The following USP3 variants were observed in gnomAD, a reference collection of about 807,000 sequenced individuals.
USP3 encodes ubiquitin carboxyl-terminal hydrolase 3.
In USP3, 20 loss-of-function variants were observed where a neutral mutation model predicts 72.3. That is an observed-to-expected ratio of 0.28 (90% CI 0.19 to 0.40). The LOEUF (loss-of-function observed/expected upper bound fraction) is 0.40, where lower values mean the gene tolerates loss of function less well. Ranked by LOEUF, USP3 falls within the 10% of genes least tolerant of loss-of-function variation. The pLI, the probability that USP3 is intolerant of heterozygous loss-of-function variation, is 1.00. For missense variants in USP3, 479 were observed against 633.9 expected, an observed-to-expected ratio of 0.76 and a Z score of 2.62; for synonymous variants, 222 against 225.3, an observed-to-expected ratio of 0.99 and a Z score of 0.13.
intron 11 of USP3, among the ~76,000 whole-genome samples, chr15:63,584,039 T>C (rs1259323005): frequency 6.6e-6 from 1 of 152,138 alleles, no homozygotes; most frequent in Non-Finnish European, 1.5e-5. Flanking sequence ...TGCCAAACTT[T>C]TCCACAGTGG....
At chr15:63,527,029 G>A (rs925819384) in intron 1 of USP3, among the ~76,000 whole-genome samples, 1 of 152,152 alleles carries the variant, frequency 6.6e-6, no homozygotes, top group Admixed American at 6.5e-5. Context: ...GGAGCAGCAG[G>A]GACCACAGGT....
At chr15:63,535,932 A>G (rs1395773947) in intron 2 of USP3, among the ~76,000 whole-genome samples, 1 of 152,242 alleles carries the variant, frequency 6.6e-6, no homozygotes, top group Non-Finnish European at 1.5e-5. Context: ...TGCCTTCCAC[A>G]CATTGGCTGC....
At chr15:63,575,713 G>C (rs1334938589) in intron 11 of USP3, among the ~76,000 whole-genome samples, 2 of 152,004 alleles carry the variant, frequency 1.3e-5, no homozygotes, top group Non-Finnish European at 2.9e-5. Context: ...ACTGTTTTTG[G>C]CCTGTTTGAG....
At chr15:63,552,227 T>C (rs1567111167) in intron 3 of USP3, among the ~76,000 whole-genome samples, 1 of 152,212 alleles carries the variant, frequency 6.6e-6, no homozygotes, top group Non-Finnish European at 1.5e-5. Context: ...AATAAAAATG[T>C]AAGCAGAAAT....
At chr15:63,583,459 T>C (rs972997890) in intron 11 of USP3, among the ~76,000 whole-genome samples, 2 of 152,166 alleles carry the variant, frequency 1.3e-5, no homozygotes, top group African/African-American at 4.8e-5. Context: ...CCTTGTCTCT[T>C]AAAACAATTT....
intron 11 of USP3, among the ~76,000 whole-genome samples, chr15:63,587,511 C>T (rs1008524753): frequency 2.0e-5 from 3 of 152,086 alleles, no homozygotes; most frequent in East Asian, 1.9e-4. Flanking sequence ...TTTCCTTTAA[C>T]GTTTAGTTAT....
intron 3 of USP3, among the ~76,000 whole-genome samples, chr15:63,547,498 G>A (rs1392341275): frequency 6.6e-6 from 1 of 152,084 alleles, no homozygotes; most frequent in African/African-American, 2.4e-5. Flanking sequence ...GGAAGGCTGA[G>A]GTGGGAGGAT....
intron 7 of USP3, among the ~76,000 whole-genome samples, chr15:63,562,118 C>T (rs912793432): frequency 6.6e-5 from 10 of 152,174 alleles, no homozygotes; most frequent in African/African-American, 2.4e-4. Flanking sequence ...TCCCCAACTC[C>T]GTCCTCATTC....
At chr15:63,557,948 G>C (rs2066540550) in intron 5 of USP3, among the ~76,000 whole-genome samples, 158 bp from the exon 6 acceptor site, 1 of 152,180 alleles carries the variant, frequency 6.6e-6, no homozygotes, top group South Asian at 2.1e-4. Flanking sequence ...CATTTATACA[G>C]AGACTAGAGA....
intron 1 of USP3, among the ~76,000 whole-genome samples, chr15:63,513,049 T>G (rs773599346): frequency 3.9e-5 from 6 of 152,248 alleles, no homozygotes; most frequent in Non-Finnish European, 8.8e-5. Context: ...TTGGAGACTT[T>G]GTACTCTGCT....
At chr15:63,542,100 A>G in intron 3 of USP3, 2 of 985,180 alleles carry the variant, frequency 2.0e-6, no homozygotes, top group Non-Finnish European at 1.2e-6. Context: ...TTAGTTCTTC[A>G]AGGACATGAT....
At chr15:63,524,696 G>T (rs1319563863) in intron 1 of USP3, among the ~76,000 whole-genome samples, 1 of 152,150 alleles carries the variant, frequency 6.6e-6, no homozygotes, top group Non-Finnish European at 1.5e-5. Flanking sequence ...CAGTCTCCCT[G>T]CACATGGTTT....
chr15:63,506,218 T>G (rs1484463130), intron 1 of USP3, among the ~76,000 whole-genome samples: 2 of 152,236 alleles, frequency 1.3e-5, no homozygotes, highest in Non-Finnish European at 2.9e-5. Flanking sequence ...AGCTTTTACC[T>G]GTAAATCTGT....
chr15:63,531,540 G>T (rs1270174354), intron 1 of USP3, among the ~76,000 whole-genome samples: 1 of 152,170 alleles, frequency 6.6e-6, no homozygotes, highest in Non-Finnish European at 1.5e-5. Flanking sequence ...AGTGTACGCT[G>T]AAAGGGCTTA....
chr15:63,559,798 C>G, intron 6 of USP3, 59 bp from the exon 7 acceptor site: 1 of 1,460,600 alleles, frequency 6.8e-7, no homozygotes, highest in Non-Finnish European at 9.3e-7. Context: ...GCTTCATCAA[C>G]TTTCTTTACA....
chr15:63,586,863 G>A (rs2067076371), intron 11 of USP3: 1 of 152,168 alleles, frequency 6.6e-6, no homozygotes, highest in Non-Finnish European at 1.5e-5. Context: ...GTTGCAGGGA[G>A]GCGAGAATTG....
At position 63,529,185 on chromosome 15, in the gene USP3, T is replaced by C; in HGVS notation, c.92-3462T>C. On this transcript the variant is annotated intron_variant, in intron 1 of 14. Transcript: ENST00000380324. This position sits in a 1 kb window ranked among gnomAD's most constrained non-coding sequence, Gnocchi z 4.2. ...TTGGCAGGTAGTAAAGTGGTTTTTTTTTTTTTCTTTTTTTTGAGATATATT... is the reference window on the plus strand; with the variant it reads ...TTGGCAGGTAGTAAAGTGGTTTTTTCTTTTTTCTTTTTTTTGAGATATATT... 1 of 575,016 alleles carries C rather than the reference T, an allele frequency of 1.7e-6. No individual in the cohort carries two copies. Among genetic ancestry groups the C allele is most frequent in the Non-Finnish European group, 2.9e-6 (1 of 348,516 alleles). The allele number at this position is 575,016 out of a possible 1,614,324, so 35.6% of individuals were successfully genotyped here. A position where few individuals can be genotyped will look rare whatever the true frequency, so the allele number is the denominator to read the frequency against.
chr15:63,562,146 A>C lies in USP3; in HGVS notation c.648-749A>C, dbSNP rs544486746. Among the ~76,000 whole-genome samples the C allele has an allele frequency of 6.7e-4, 102 of 152,308 alleles. 1 individual carries two copies. The highest frequency in any genetic ancestry group is 7.2e-4 in the Non-Finnish European group (49 of 68,026). ...CCTCATTCCTAGCAGGAAGAAGGAA[A>C]GGATTATTATAGGACTACTCTTTCT... On this transcript the variant is annotated intron_variant, in intron 7 of 14. Transcript: ENST00000380324.
At chr15:63,517,818 C>A (rs2065872190) in intron 1 of USP3, among the ~76,000 whole-genome samples, 1 of 152,200 alleles carries the variant, frequency 6.6e-6, no homozygotes, top group Non-Finnish European at 1.5e-5. Flanking sequence ...CATCTGCATT[C>A]TTCCTGGCTG....
Sources: gnomAD v4.1 joint callset for allele counts (sites outside exome capture counted in the v4.1 genomes callset) on GRCh38, gnomAD v4.1.1 for gene constraint, Gnocchi (gnomAD v3.1) non-coding constraint, MANE v1.5 for transcripts, NCBI Gene and HGNC (gene_info 2026-07-23, HGNC 2026-07-21) for gene names.